Variants in ANO3 observed in about 807,000 individuals in gnomAD.
The protein encoded by ANO3 is anoctamin 3.
Under a neutral mutation model 144.8 loss-of-function variants are expected in ANO3, and 99 were observed. The observed-to-expected ratio is 0.68, with a 90% CI of 0.58 to 0.81. The LOEUF (loss-of-function observed/expected upper bound fraction) is 0.81. Ranked by LOEUF, ANO3 falls within the 30% of genes least tolerant of loss-of-function variation. ANO3 has a pLI of 0.00. For synonymous variants in ANO3, 414 were observed against 392.6 expected (o/e 1.05, Z -0.64); for missense variants, 905 against 1,202.2 (o/e 0.75, Z 3.66).
chr11:26,618,884 T>A (rs949934234), intron 17 of ANO3, among the ~76,000 whole-genome samples: 2 of 152,238 alleles, frequency 1.3e-5, no homozygotes, highest in Non-Finnish European at 2.9e-5. Flanking sequence ...CATAAAGCAT[T>A]TTTTTCAATA....
intron 1 of ANO3, among the ~76,000 whole-genome samples, chr11:26,351,905 A>T (rs370233281): frequency 6.6e-6 from 1 of 152,172 alleles, no homozygotes; most frequent in African/African-American, 2.4e-5. Flanking sequence ...AAAGACAGGT[A>T]GAGAGGGCTG....
intron 22 of ANO3, 140 bp downstream of exon 22, chr11:26,642,169 C>CTAGCTCCTTGAGATG: frequency 1.1e-6 from 1 of 871,360 alleles, no homozygotes; most frequent in Non-Finnish European, 1.7e-6. Context: ...ACCTTCATCT[C>CTAGCTCCTTGAGATG]AAGGAGCTAG....
chr11:26,420,101 T>C (rs1463991790), intron 1 of ANO3, among the ~76,000 whole-genome samples: 2 of 152,090 alleles, frequency 1.3e-5, no homozygotes, highest in Non-Finnish European at 2.9e-5. Flanking sequence ...TGTAATCGAA[T>C]TAGATACATT....
chr11:26,211,319 G>A (rs1449534678), intron 1 of ANO3, among the ~76,000 whole-genome samples: 1 of 152,068 alleles, frequency 6.6e-6, no homozygotes, highest in African/African-American at 2.4e-5. Flanking sequence ...TGAGAACAAA[G>A]ACACATTGTA....
chr11:26,435,206 C>T (rs943287223), intron 1 of ANO3, among the ~76,000 whole-genome samples: 8 of 152,050 alleles, frequency 5.3e-5, no homozygotes, highest in African/African-American at 1.9e-4. Flanking sequence ...ATATGAAATG[C>T]TTGGTTGAAG....
chr11:26,342,752 A>G, intron 1 of ANO3, among the ~76,000 whole-genome samples: 1 of 152,208 alleles, frequency 6.6e-6, no homozygotes, highest in East Asian at 1.9e-4. Flanking sequence ...CCATGGAAAA[A>G]GGCTTTTGCT....
chr11:26,561,194 A>G, intron 14 of ANO3: 2 of 1,612,270 alleles, frequency 1.2e-6, no homozygotes, highest in East Asian at 2.2e-5. Context: ...AACTCACATC[A>G]TAAGGTTCCG....
chr11:26,624,108 A>G (rs952636242), intron 17 of ANO3, among the ~76,000 whole-genome samples: 1 of 152,184 alleles, frequency 6.6e-6, no homozygotes, highest in African/African-American at 2.4e-5. Context: ...TTTTGAGCTC[A>G]AATCTCAGCT....
intron 14 of ANO3, among the ~76,000 whole-genome samples, chr11:26,594,116 T>C (rs917422202): frequency 6.6e-6 from 1 of 152,226 alleles, no homozygotes; most frequent in East Asian, 1.9e-4. Flanking sequence ...ATTTTCTTCC[T>C]TTCCCTGTGT....
intron 8 of ANO3, 50 bp from the exon 9 acceptor site, chr11:26,534,406 G>A (rs367781031): frequency 2.4e-6 from 3 of 1,226,874 alleles, no homozygotes; most frequent in Non-Finnish European, 3.5e-6. Context: ...AACTATTGCT[G>A]GATTCTGTGT....
At chr11:26,375,608 C>A (rs1435871006) in intron 1 of ANO3, among the ~76,000 whole-genome samples, 1 of 152,090 alleles carries the variant, frequency 6.6e-6, no homozygotes, top group East Asian at 1.9e-4. Context: ...CTTCTGTAAA[C>A]TCATGTGCTG....
chr11:26,460,709 T>G (rs1263560130), intron 3 of ANO3, among the ~76,000 whole-genome samples: 1 of 72,436 alleles, frequency 1.4e-5, no homozygotes, highest in Non-Finnish European at 3.8e-5. Flanking sequence ...AAGAAAAAAG[T>G]AAACAGAAAA....
intron 1 of ANO3, among the ~76,000 whole-genome samples, chr11:26,436,811 G>A (rs1858312413): frequency 6.6e-6 from 1 of 152,174 alleles, no homozygotes; most frequent in Non-Finnish European, 1.5e-5. Flanking sequence ...TTCTGTCTCA[G>A]GGAGCTTTGG....
chr11:26,356,111 A>G (rs751472651), intron 1 of ANO3, among the ~76,000 whole-genome samples: 4 of 151,906 alleles, frequency 2.6e-5, no homozygotes, highest in Non-Finnish European at 4.4e-5. Flanking sequence ...CTCATTTTTC[A>G]CCTATTTGTC....
chr11:26,359,185 C>T (rs1855860663), intron 1 of ANO3, among the ~76,000 whole-genome samples: 1 of 152,150 alleles, frequency 6.6e-6, no homozygotes, highest in South Asian at 2.1e-4. Flanking sequence ...TATGAATATC[C>T]TCAAGCACTG....
intron 1 of ANO3, among the ~76,000 whole-genome samples, chr11:26,315,737 C>G (rs1854612415): frequency 1.3e-5 from 2 of 151,862 alleles, no homozygotes; most frequent in African/African-American, 4.8e-5. Flanking sequence ...ACCTACCTAC[C>G]TAGCTATCTC....
rs1851924659 is a variant in ANO3, at chr11:26,605,975, C to T, written c.1836+6261C>T. 2.6e-5 allele frequency among the ~76,000 whole-genome samples: 4 copies of T among 152,012 alleles called. No individual in the cohort carries two copies. In the South Asian group the frequency reaches 8.3e-4, roughly 32 times the overall value. The stretch of plus-strand genomic sequence containing the variant: ...GATTTTAGTTATTTCTTGCCTTCTG[C>T]TAGCTTTTGAATTTGTTTGCCTTTC... On this transcript the variant is annotated intron_variant, in intron 17 of 26. Coordinates refer to ENST00000256737, the MANE Select transcript of ANO3 (RefSeq NM_031418.4).
chr11:26,539,065 A>G (rs1431235902), intron 10 of ANO3, among the ~76,000 whole-genome samples: 2 of 151,968 alleles, frequency 1.3e-5, no homozygotes, highest in Non-Finnish European at 2.9e-5. Flanking sequence ...GACAGTGGCT[A>G]GAGGGAAGAA....
chr11:26,387,093 A>C (rs1170184500), intron 1 of ANO3, among the ~76,000 whole-genome samples: 1 of 150,978 alleles, frequency 6.6e-6, no homozygotes, highest in Admixed American at 6.6e-5. Flanking sequence ...AGAGAAAGAG[A>C]GAGAGAGAGA....
Sources: allele counts gnomAD v4.1 joint callset (sites outside exome capture counted in the v4.1 genomes callset), GRCh38; gene constraint gnomAD v4.1.1; transcripts MANE v1.5; gene names NCBI Gene and HGNC (gene_info 2026-07-23, HGNC 2026-07-21).